FAM47C: variants seen among roughly 807,000 people sequenced by gnomAD.
The protein encoded by FAM47C is putative protein FAM47C.
For synonymous variants in FAM47C, 307 were observed against 346.5 expected (o/e 0.89, Z 1.27); for missense variants, 847 against 879.9 (o/e 0.96, Z 0.47).
chrX:37,008,421 A>G lies in FAM47C; in HGVS notation c.11A>G (p.Gln4Arg), dbSNP rs374396557. The change falls in exon 1 of 1, where the codon CAG becomes CGG. Residue 4 changes from glutamine to arginine, a missense_variant. Gln to Arg is a conservative substitution (Grantham distance 43). Coordinates refer to ENST00000358047, the MANE Select transcript of FAM47C (RefSeq NM_001013736.3). MGD[Q>R]RPQDRPSSPG... Reference sequence around the variant, plus strand: ...CCAGCGAGGGCCACCATGGGGGACCAGAGGCCGCAGGACCGGCCCAGTTCC... The same window carrying G: ...CCAGCGAGGGCCACCATGGGGGACCGGAGGCCGCAGGACCGGCCCAGTTCC... 3.3e-6 allele frequency: 4 copies of G among 1,198,831 alleles called. No homozygotes were observed. The highest frequency in any genetic ancestry group is 3.4e-6 in the Non-Finnish European group (3 of 886,882).
chrX:37,010,991 C>A lies in FAM47C; in HGVS notation c.2581C>A (p.Leu861Ile). ...CCGTGACTTCAAGTGGGCTGGAGAC[C>A]TAGGAGTTAATGAAGAATCCATCAG... is the stretch of plus-strand genomic sequence containing the variant. ...KLRDFKWAGDLGVNEESISSL... is the reference protein window; with the variant it reads ...KLRDFKWAGDIGVNEESISSL... The change falls in exon 1 of 1, where the codon CTA (leucine) becomes ATA (isoleucine). Residue 861 changes from leucine (L) to isoleucine (I), a missense_variant. Physicochemically the swap from Leu to Ile is conservative, Grantham distance 5. Coordinates refer to ENST00000358047, the MANE Select transcript of FAM47C (RefSeq NM_001013736.3). 8.3e-7 allele frequency: 1 copy of A among 1,212,098 alleles called. No individual in the cohort carries two copies. The highest frequency in any genetic ancestry group is 1.8e-5 in the South Asian group (1 of 57,009).
rs782569583 is a variant in FAM47C at position 37,011,200 on chromosome X, T to C, written c.2790T>C (p.Ser930=). 9 of 1,209,347 alleles carry C rather than the reference T, an allele frequency of 7.4e-6. No individual in the cohort carries two copies. Among genetic ancestry groups the C allele is most frequent in the Non-Finnish European group, 1.0e-5 (9 of 894,962 alleles). ...TCCAGAATGCACCAAATTCTCATAG[T>C]GCACAGCATGTGAAGATGGGGTATG... ...GKIQNAPNSH[S]AQHVKMGYGA... Residue 930 remains serine (S), a synonymous_variant, in exon 1 of 1, where the codon AGT becomes AGC. Transcript: ENST00000358047.
rs782192256 is a variant in FAM47C, at chrX:37,009,135, G to C, written c.725G>C (p.Gly242Ala). 7 of 1,206,870 alleles carry C rather than the reference G, an allele frequency of 5.8e-6. No homozygotes were observed. The highest frequency in any genetic ancestry group is 5.6e-6 in the Non-Finnish European group (5 of 894,071). Residue 242 changes from glycine (G) to alanine (A), a missense_variant, in exon 1 of 1, where the codon GGA (glycine) becomes GCA (alanine). Physicochemically the swap from Gly to Ala is moderately conservative, Grantham distance 60 (BLOSUM62 0). Coordinates refer to ENST00000358047, the MANE Select transcript of FAM47C (RefSeq NM_001013736.3). ...SSLHLEPPET[G>A]VSHLRPEPPK... ...CTCCACCTGGAGCCTCCAGAGACTG[G>C]AGTGTCCCATCTCCGCCCAGAGCCT...
chrX:37,009,087 C>T lies in FAM47C; in HGVS notation c.677C>T (p.Pro226Leu). ...ETGVSHLRPQ[P>L]PKTQVSSLHL... The stretch of plus-strand genomic sequence containing the variant: ...GGAGTGTCCCATCTCCGCCCACAGC[C>T]TCCCAAGACTCAGGTGTCCAGTCTC... The change falls in exon 1 of 1, where the codon CCT (proline) becomes CTT (leucine). Residue 226 changes from proline to leucine, a missense_variant. Coordinates refer to ENST00000358047, the MANE Select transcript of FAM47C (RefSeq NM_001013736.3). 8.3e-7 allele frequency: 1 copy of T among 1,210,950 alleles called. No homozygotes were observed. The highest frequency in any genetic ancestry group is 1.8e-5 in the South Asian group (1 of 56,830).
At position 37,009,015 on chromosome X, in the gene FAM47C, C is replaced by A. The variant is rs1456358877; in HGVS notation, c.605C>A (p.Pro202His). ...ETRVSCLPPE[P>H]PKTPVSSLRP... ...CGGGTGTCCTGTCTCCCCCCGGAGC[C>A]TCCCAAGACTCCGGTGTCCAGTCTC... is the stretch of plus-strand genomic sequence containing the variant. Residue 202 changes from proline to histidine, a missense_variant, in exon 1 of 1, where the codon CCT becomes CAT. Coordinates refer to ENST00000358047, the MANE Select transcript of FAM47C (RefSeq NM_001013736.3). 8.3e-7 allele frequency: 1 copy of A among 1,209,778 alleles called. No individual in the cohort carries two copies. The highest frequency in any genetic ancestry group is 1.1e-6 in the Non-Finnish European group (1 of 894,983).
chrX:37,009,677 G>C lies in FAM47C; in HGVS notation c.1267G>C (p.Val423Leu). The C allele has an allele frequency of 5.8e-6, 7 of 1,209,730 alleles. No homozygotes were observed. Among genetic ancestry groups the C allele is most frequent in the Non-Finnish European group, 7.8e-6 (7 of 894,899 alleles). The change falls in exon 1 of 1, where the codon GTG becomes CTG. Residue 423 changes from valine (V) to leucine (L), a missense_variant. Transcript: ENST00000358047. Reference protein sequence around the residue: ...NLRSEPPKIGVSHLCLEPPKT... With the variant: ...NLRSEPPKIGLSHLCLEPPKT... ...CCGCTCGGAGCCTCCCAAGATTGGA[G>C]TGTCCCATCTCTGCCTGGAGCCTCC...
Position 37,011,163 on chromosome X carries a change from T to A in FAM47C, c.2753T>A (p.Leu918Ter). 8.3e-7 allele frequency: 1 copy of A among 1,210,576 alleles called. No individual in the cohort carries two copies. The change falls in exon 1 of 1, where the codon TTG (leucine) becomes TAG (stop). Residue 918 changes from leucine (L) to a stop codon, truncating the protein, a stop_gained. Transcript: ENST00000358047. LOFTEE classifies it low-confidence loss of function (END_TRUNC). ...AAATTCTTCTCACAGGAAAAAGACTTGGACGGGAAAATCCAGAATGCACCA... is the reference window on the plus strand; with the variant it reads ...AAATTCTTCTCACAGGAAAAAGACTAGGACGGGAAAATCCAGAATGCACCA... The part of the protein sequence containing the change: ...EVKFFSQEKD[L>*]DGKIQNAPNS...
Position 37,011,209 on chromosome X carries a change from T to C in FAM47C, c.2799T>C (p.His933=). The C allele has an allele frequency of 8.3e-7, 1 of 1,211,167 alleles. No homozygotes were observed. The highest frequency in any genetic ancestry group is 1.7e-5 in the African/African-American group (1 of 57,785). ...CACCAAATTCTCATAGTGCACAGCA[T>C]GTGAAGATGGGGTATGGAGCATGGT... The part of the protein sequence containing the change: ...QNAPNSHSAQ[H]VKMGYGAWYL... Residue 933 remains histidine (H), a synonymous_variant, in exon 1 of 1, where the codon CAT becomes CAC. Transcript: ENST00000358047.
In FAM47C at chrX:37,011,234, T is replaced by C. The variant is rs1180359944; in HGVS notation, c.2824T>C (p.Tyr942His). The C allele has an allele frequency of 2.5e-6, 3 of 1,209,665 alleles. No homozygotes were observed. Among genetic ancestry groups the C allele is most frequent in the Non-Finnish European group, 3.4e-6 (3 of 895,057 alleles). Residue 942 changes from tyrosine to histidine, a missense_variant, in exon 1 of 1, where the codon TAC becomes CAC. By Grantham distance (83) the Tyr-to-His change is moderately conservative. Transcript: ENST00000358047. ...TGTGAAGATGGGGTATGGAGCATGG[T>C]ACCTCAAGCCTAAGTTGGGGAAAAA... ...QHVKMGYGAW[Y>H]LKPKLGKKLR...
In FAM47C at chrX:37,011,491, C is replaced by A. The variant is rs1436231139; in HGVS notation, c.3081C>A (p.Asp1027Glu). Residue 1027 changes from aspartate (D) to glutamate (E), a missense_variant, in exon 1 of 1, where the codon GAC becomes GAA. By Grantham distance (45) the Asp-to-Glu change is conservative (BLOSUM62 2). Coordinates refer to ENST00000358047, the MANE Select transcript of FAM47C (RefSeq NM_001013736.3). ...RAMQVYKYKE[D>E]VTDASEED ...TGCAAGTTTACAAGTACAAAGAAGA[C>A]GTCACAGATGCATCGGAAGAAGATT... 8.4e-7 allele frequency: 1 copy of A among 1,193,699 alleles called. No homozygotes were observed. Among genetic ancestry groups the A allele is most frequent in the African/African-American group, 1.7e-5 (1 of 57,203 alleles).
At position 37,008,937 on chromosome X, in the gene FAM47C, C is replaced by T. The variant is rs782156241; in HGVS notation, c.527C>T (p.Thr176Met). The change falls in exon 1 of 1, where the codon ACG becomes ATG. Residue 176 changes from threonine (T) to methionine (M), a missense_variant. Physicochemically the swap from Thr to Met is moderately conservative, Grantham distance 81. Transcript: ENST00000358047. ...EGQEKTTDEP[T>M]EPGKYPCGEF... ...CAGGAGAAGACAACTGACGAACCCA[C>T]GGAGCCTGGTAAATACCCCTGTGGG... is the stretch of plus-strand genomic sequence containing the variant. 4 of 1,209,941 alleles carry T rather than the reference C, an allele frequency of 3.3e-6. No homozygotes were observed. Among genetic ancestry groups the T allele is most frequent in the African/African-American group, 3.5e-5 (2 of 57,243 alleles).
rs1556331634 is a variant in FAM47C at position 37,008,976 on chromosome X, G to A, written c.566G>A (p.Arg189Gln). The A allele has an allele frequency of 3.6e-5, 44 of 1,211,238 alleles. No individual in the cohort carries two copies. Among genetic ancestry groups the A allele is most frequent in the Non-Finnish European group, 4.7e-5 (42 of 895,243 alleles). Residue 189 changes from arginine (R) to glutamine (Q), a missense_variant, in exon 1 of 1, where the codon CGG becomes CAG. Arg to Gln is a conservative substitution (Grantham distance 43, BLOSUM62 1). Coordinates refer to ENST00000358047, the MANE Select transcript of FAM47C (RefSeq NM_001013736.3). The stretch of plus-strand genomic sequence containing the variant: ...TACCCCTGTGGGGAATTCTCCCCTC[G>A]GCCTCCCGAGACTCGGGTGTCCTGT... ...GKYPCGEFSP[R>Q]PPETRVSCLP...
Position 37,010,415 on chromosome X carries a change from G to C in FAM47C, c.2005G>C (p.Glu669Gln). The C allele has an allele frequency of 8.5e-7, 1 of 1,176,307 alleles. No homozygotes were observed. Among genetic ancestry groups the C allele is most frequent in the African/African-American group, 2.2e-5 (1 of 46,293 alleles). The change falls in exon 1 of 1, where the codon GAG (glutamate) becomes CAG (glutamine). Residue 669 changes from glutamate (E) to glutamine (Q), a missense_variant. Glu to Gln is a conservative substitution (Grantham distance 29). Coordinates refer to ENST00000358047, the MANE Select transcript of FAM47C (RefSeq NM_001013736.3). ...GACTCGGGTGTCCAGTCTCCCCCCG[G>C]AGCCCCCCGAGACTGGAGTGTCCCA... Reference protein sequence around the residue: ...PKTRVSSLPPEPPETGVSHLC... With the variant: ...PKTRVSSLPPQPPETGVSHLC...
At position 37,009,712 on chromosome X, in the gene FAM47C, C is replaced by T. The variant is rs782274990; in HGVS notation, c.1302C>T (p.Arg434=). The change falls in exon 1 of 1, where the codon CGC becomes CGT. Residue 434 remains arginine (R), a synonymous_variant. Transcript: ENST00000358047. ...TCTGCCTGGAGCCTCCCAAGACTCG[C>T]GGATCTCATCTCCGCCCGGAACCTC... The part of the protein sequence containing the change: ...SHLCLEPPKT[R]GSHLRPEPPE... 6.6e-6 allele frequency: 8 copies of T among 1,204,908 alleles called. No individual in the cohort carries two copies. Among genetic ancestry groups the T allele is most frequent in the Non-Finnish European group, 9.0e-6 (8 of 892,955 alleles).
rs782084099 is a variant in FAM47C at position 37,010,577 on chromosome X, G to T, written c.2167G>T (p.Val723Leu). Residue 723 changes from valine (V) to leucine (L), a missense_variant, in exon 1 of 1, where the codon GTA (valine) becomes TTA (leucine). By Grantham distance (32) the Val-to-Leu change is conservative (BLOSUM62 1). Coordinates refer to ENST00000358047, the MANE Select transcript of FAM47C (RefSeq NM_001013736.3). ...CCACGCGGAGCCTCCTGAGAGTCGC[G>T]TATCTCATCTCTGCCCGGAGCCTCC... Reference protein sequence around the residue: ...SLHAEPPESRVSHLCPEPPET... With the variant: ...SLHAEPPESRLSHLCPEPPET... The T allele has an allele frequency of 8.4e-7, 1 of 1,196,124 alleles. No individual in the cohort carries two copies. The highest frequency in any genetic ancestry group is 2.3e-5 in the Admixed American group (1 of 44,257).
rs1556333483 is a variant in FAM47C at position 37,011,470 on chromosome X, A to G, written c.3060A>G (p.Gln1020=). ...AGACTCCTATTCAACGTGCAATGCAAGTTTACAAGTACAAAGAAGACGTCA... is the reference window on the plus strand; with the variant it reads ...AGACTCCTATTCAACGTGCAATGCAGGTTTACAAGTACAAAGAAGACGTCA... ...SVKTPIQRAM[Q]VYKYKEDVTD... The change falls in exon 1 of 1, where the codon CAA becomes CAG. Residue 1020 remains glutamine (Q), a synonymous_variant. Coordinates refer to ENST00000358047, the MANE Select transcript of FAM47C (RefSeq NM_001013736.3). 8.3e-7 allele frequency: 1 copy of G among 1,207,321 alleles called. No individual in the cohort carries two copies. The highest frequency in any genetic ancestry group is 1.8e-5 in the South Asian group (1 of 56,048).
Position 37,009,697 on chromosome X carries a change from G to T in FAM47C, c.1287G>T (p.Glu429Asp). 8.3e-7 allele frequency: 1 copy of T among 1,207,729 alleles called. No individual in the cohort carries two copies. Residue 429 changes from glutamate (E) to aspartate (D), a missense_variant, in exon 1 of 1, where the codon GAG becomes GAT. By Grantham distance (45) the Glu-to-Asp change is conservative. Transcript: ENST00000358047. ...PKIGVSHLCL[E>D]PPKTRGSHLR... ...TTGGAGTGTCCCATCTCTGCCTGGA[G>T]CCTCCCAAGACTCGCGGATCTCATC...
chrX:37,008,409 C>T lies in FAM47C; in HGVS notation c.-2C>T. ...AGAGGTGGCACCCCAGCGAGGGCCACCATGGGGGACCAGAGGCCGCAGGAC... is the reference window on the plus strand; with the variant it reads ...AGAGGTGGCACCCCAGCGAGGGCCATCATGGGGGACCAGAGGCCGCAGGAC... On this transcript the variant is annotated 5_prime_UTR_variant, in exon 1 of 1. Coordinates refer to ENST00000358047, the MANE Select transcript of FAM47C (RefSeq NM_001013736.3). The T allele has an allele frequency of 8.4e-7, 1 of 1,194,692 alleles. No individual in the cohort carries two copies. Among genetic ancestry groups the T allele is most frequent in the Non-Finnish European group, 1.1e-6 (1 of 884,422 alleles).
rs267606446 is a variant in FAM47C at position 37,009,254 on chromosome X, C to A, written c.844C>A (p.Leu282Ile). Residue 282 changes from leucine to isoleucine, a missense_variant, in exon 1 of 1, where the codon CTC (leucine) becomes ATC (isoleucine). Coordinates refer to ENST00000358047, the MANE Select transcript of FAM47C (RefSeq NM_001013736.3). ...GCCTCCTGGGACTGGAGTGTCTCAT[C>A]TCTGCCCAGAGCCTCCCAAGACTCG... ...LEPPGTGVSH[L>I]CPEPPKTRVS... is the part of the protein sequence containing the mutation. The A allele has an allele frequency of 8.3e-7, 1 of 1,207,772 alleles. No homozygotes were observed. The highest frequency in any genetic ancestry group is 1.1e-6 in the Non-Finnish European group (1 of 894,433).
Sources: gnomAD v4.1 joint callset for allele counts on GRCh38, gnomAD v4.1.1 for gene constraint, MANE v1.5 for transcripts, NCBI Gene and HGNC (gene_info 2026-07-23, HGNC 2026-07-21) for gene names.